DISP1: variants seen among roughly 807,000 people sequenced by gnomAD.
DISP1 encodes protein dispatched homolog 1.
DISP1 carries 30 observed loss-of-function variants against 37.3 expected under a neutral mutation model. That is an observed-to-expected ratio of 0.80 (90% confidence interval 0.60 to 1.09). The LOEUF (loss-of-function observed/expected upper bound fraction) is 1.09, where lower values mean the gene tolerates loss of function less well. DISP1 is among the 50% of genes least tolerant of loss of function. The probability of loss-of-function intolerance (pLI) is 0.00; values close to 1 mark genes in which losing one functional copy is unlikely to be tolerated. For missense variants in DISP1, 1,598 were observed against 1,879.5 expected (o/e 0.85, Z 2.77); for synonymous variants, 634 against 690.2 (o/e 0.92, Z 1.28).
At chr1:222,984,240 AC>A (rs1026833209) in intron 4 of DISP1, among the ~76,000 whole-genome samples, 5 of 151,672 alleles carry the variant, frequency 3.3e-5, no homozygotes, top group African/African-American at 9.7e-5. Context: ...ACCTGTGTCT[AC>A]AAAAAAATAC....
intron 3 of DISP1, among the ~76,000 whole-genome samples, chr1:222,970,208 CAGTGTG>C (rs780967179): frequency 0.029 from 4,341 of 152,258 alleles, 78 homozygotes; most frequent in Middle Eastern, 0.068. Context: ...TTATTTCCTA[CAGTGTG>C]ACATGCACCA....
intron 1 of DISP1, among the ~76,000 whole-genome samples, chr1:222,891,239 C>T (rs571912322): frequency 2.0e-5 from 3 of 152,124 alleles, no homozygotes; most frequent in South Asian, 2.1e-4. Context: ...GTGACAATTC[C>T]GGAGACATTT....
chr1:222,994,239 C>T (rs1162612040), intron 7 of DISP1, among the ~76,000 whole-genome samples: 1 of 152,172 alleles, frequency 6.6e-6, no homozygotes, highest in African/African-American at 2.4e-5. Flanking sequence ...ATGACAGGAC[C>T]TGGTTATATC....
At chr1:222,961,018 C>T (rs1225694338) in intron 3 of DISP1, among the ~76,000 whole-genome samples, 1 of 152,136 alleles carries the variant, frequency 6.6e-6, no homozygotes, top group Non-Finnish European at 1.5e-5. Flanking sequence ...CACTGATTCA[C>T]AGCCGAATTT....
At chr1:222,913,208 A>G (rs1327180810) in intron 1 of DISP1, among the ~76,000 whole-genome samples, 3 of 152,206 alleles carry the variant, frequency 2.0e-5, no homozygotes, top group Non-Finnish European at 4.4e-5. Flanking sequence ...CTCTTTAAAG[A>G]TTTACCTATA....
At chr1:222,976,413 A>C (rs1677333892) in intron 3 of DISP1, among the ~76,000 whole-genome samples, 1 of 152,144 alleles carries the variant, frequency 6.6e-6, no homozygotes, top group South Asian at 2.1e-4. Flanking sequence ...TAAAGAAGGC[A>C]GCACTGTAAA....
At chr1:222,999,684 A>G (rs1166619462) in intron 8 of DISP1, among the ~76,000 whole-genome samples, 1 of 152,124 alleles carries the variant, frequency 6.6e-6, no homozygotes, top group East Asian at 1.9e-4. Context: ...TGCTCAGTAA[A>G]TTTGCTTTTG....
intron 1 of DISP1, among the ~76,000 whole-genome samples, chr1:222,888,804 G>C (rs1670783371): frequency 1.3e-5 from 2 of 150,490 alleles, no homozygotes; most frequent in South Asian, 4.2e-4. Context: ...TGAGTAACTG[G>C]CTTTGTCAGT....
chr1:223,002,458 T>C lies in DISP1; in HGVS notation c.1061T>C (p.Leu354Pro). 6.2e-7 allele frequency: 1 copy of C among 1,614,156 alleles called. No homozygotes were observed. The highest frequency in any genetic ancestry group is 8.5e-7 in the Non-Finnish European group (1 of 1,180,030). Residue 354 changes from leucine to proline, a missense_variant, in exon 9 of 9, where the codon CTG becomes CCG. Leu to Pro is a moderately conservative substitution (Grantham distance 98). Coordinates refer to ENST00000675850, the MANE Select transcript of DISP1 (RefSeq NM_001377229.1). ...TAASCCPSWT[L>P]GNYIAILNNR... ...GCCTCCTGCTGCCCCAGCTGGACAC[T>C]GGGAAACTACATCGCCATTCTGAAC...
intron 3 of DISP1, among the ~76,000 whole-genome samples, chr1:222,972,710 C>T (rs920243616): frequency 6.6e-6 from 1 of 152,168 alleles, no homozygotes; most frequent in Non-Finnish European, 1.5e-5. Context: ...ATTCTTTGGA[C>T]TACTCTGGTC....
chr1:222,875,245 G>C (rs147223724), intron 1 of DISP1, among the ~76,000 whole-genome samples: 25 of 151,808 alleles, frequency 1.6e-4, no homozygotes, highest in African/African-American at 5.8e-4. Context: ...CCCAGGAGGC[G>C]GAGGTTGCAG....
At chr1:222,843,715 G>T (rs1334013937) in intron 1 of DISP1, among the ~76,000 whole-genome samples, 1 of 152,060 alleles carries the variant, frequency 6.6e-6, no homozygotes, top group Non-Finnish European at 1.5e-5. Flanking sequence ...AGGCCAAGAA[G>T]TATTAAATCA....
chr1:222,979,332 G>A (rs907963897), intron 3 of DISP1, among the ~76,000 whole-genome samples: 3 of 152,094 alleles, frequency 2.0e-5, no homozygotes, highest in Non-Finnish European at 4.4e-5. Flanking sequence ...AGGATTACTT[G>A]AGCCCAGGAA....
At chr1:222,942,759 T>C in intron 2 of DISP1, 48 bp from the exon 3 acceptor site, 1 of 1,606,402 alleles carries the variant, frequency 6.2e-7, no homozygotes, top group Non-Finnish European at 8.5e-7. Flanking sequence ...TTCCTACATA[T>C]TTGCCTGCCT....
intron 8 of DISP1, among the ~76,000 whole-genome samples, chr1:222,996,754 A>G (rs1679098172): frequency 6.6e-6 from 1 of 152,184 alleles, no homozygotes; most frequent in Admixed American, 6.5e-5. Flanking sequence ...GAACCCAGCC[A>G]AGTTGAACTC....
At chr1:222,975,367 A>G (rs768201314) in intron 3 of DISP1, among the ~76,000 whole-genome samples, 62 of 152,162 alleles carry the variant, frequency 4.1e-4, no homozygotes, top group South Asian at 4.1e-4. Context: ...TTCTGCAGTT[A>G]TGTCTAGAAT....
intron 3 of DISP1, 52 bp downstream of exon 3, chr1:222,943,384 A>T (rs1428859077): frequency 1.9e-6 from 3 of 1,610,060 alleles, no homozygotes; most frequent in Non-Finnish European, 1.7e-6. Context: ...CCACGTGAAC[A>T]TGACAGCTTG....
At chr1:222,877,400 A>G (rs181616668) in intron 1 of DISP1, among the ~76,000 whole-genome samples, 1 of 152,328 alleles carries the variant, frequency 6.6e-6, no homozygotes, top group African/African-American at 2.4e-5. Context: ...TCCTATTTAT[A>G]AAACCATCAG....
At chr1:222,903,460 G>A (rs1008771250) in intron 1 of DISP1, among the ~76,000 whole-genome samples, 4 of 148,222 alleles carry the variant, frequency 2.7e-5, no homozygotes, top group African/African-American at 9.8e-5. Context: ...AAAAAAAAAA[G>A]AAATGGGTAT....
Sources: gnomAD v4.1 joint callset for allele counts (sites outside exome capture counted in the v4.1 genomes callset) on GRCh38, gnomAD v4.1.1 for gene constraint, MANE v1.5 for transcripts, NCBI Gene and HGNC (gene_info 2026-07-23, HGNC 2026-07-21) for gene names.